Variants in TRAPPC9 observed in about 807,000 individuals in gnomAD.
The protein encoded by TRAPPC9 is IKK2 binding protein.
Under a neutral mutation model 124.0 loss-of-function variants are expected in TRAPPC9, and 83 were observed. The observed-to-expected ratio is 0.67, with a 90% CI of 0.56 to 0.80. TRAPPC9 has a LOEUF of 0.80. Among genes scored for constraint, TRAPPC9 ranks in the 30% least tolerant of loss-of-function variants. The pLI, the probability that TRAPPC9 is intolerant of heterozygous loss-of-function variation, is 0.00. For missense variants in TRAPPC9, 1,302 were observed against 1,508.3 expected, an observed-to-expected ratio of 0.86 and a Z score of 2.27; for synonymous variants, 638 against 617.5, an observed-to-expected ratio of 1.03 and a Z score of -0.49.
At chr8:140,139,922 T>A (rs527652070) in intron 17 of TRAPPC9, among the ~76,000 whole-genome samples, 3 of 152,348 alleles carry the variant, frequency 2.0e-5, no homozygotes, top group Non-Finnish European at 4.4e-5. Context: ...TGTGTGCATT[T>A]TTCTGAGTTT....
chr8:140,313,919 G>A (rs992630383), intron 9 of TRAPPC9, among the ~76,000 whole-genome samples: 2 of 152,116 alleles, frequency 1.3e-5, no homozygotes, highest in East Asian at 3.8e-4. Flanking sequence ...AGAGTCAAAC[G>A]CTTATGCCCA....
intron 21 of TRAPPC9, among the ~76,000 whole-genome samples, chr8:139,836,966 C>T (rs954696049): frequency 3.9e-4 from 23 of 59,116 alleles, no homozygotes; most frequent in African/African-American, 2.5e-3. Flanking sequence ...AAGGAAATGA[C>T]AAGGAGGACT....
At chr8:140,210,053 C>T (rs1252273973) in intron 17 of TRAPPC9, among the ~76,000 whole-genome samples, 1 of 152,252 alleles carries the variant, frequency 6.6e-6, no homozygotes, top group Non-Finnish European at 1.5e-5. Flanking sequence ...TCTGTAAACA[C>T]TGTCACCGCG....
At chr8:139,919,016 G>A (rs949222503) in intron 19 of TRAPPC9, among the ~76,000 whole-genome samples, 7 of 152,302 alleles carry the variant, frequency 4.6e-5, no homozygotes, top group East Asian at 1.9e-4. Context: ...CATTCCCCAC[G>A]GCCTCTGACA....
intron 20 of TRAPPC9, among the ~76,000 whole-genome samples, chr8:139,903,566 C>T (rs560660839): frequency 6.6e-6 from 1 of 152,284 alleles, no homozygotes; most frequent in African/African-American, 2.4e-5. Flanking sequence ...CGTGTCCCTC[C>T]CCTGCTTCCA....
intron 8 of TRAPPC9, among the ~76,000 whole-genome samples, chr8:140,364,734 C>T (rs2068059241): frequency 6.6e-6 from 1 of 151,972 alleles, no homozygotes; most frequent in Admixed American, 6.5e-5. Context: ...AGGCATGCGC[C>T]ACTACACCTG....
chr8:139,752,120 ACCAT>A (rs920762579), intron 21 of TRAPPC9, among the ~76,000 whole-genome samples: 1 of 147,028 alleles, frequency 6.8e-6, no homozygotes, highest in Non-Finnish European at 1.5e-5. Context: ...CTGTTCATCT[ACCAT>A]CCATCCATCT....
intron 7 of TRAPPC9, among the ~76,000 whole-genome samples, chr8:140,394,202 G>T (rs1009918348): frequency 6.6e-6 from 1 of 152,192 alleles, no homozygotes; most frequent in Admixed American, 6.5e-5. Context: ...AGTTGTTAAC[G>T]GCAAGCCAGT....
chr8:139,989,850 T>A (rs756061679), intron 18 of TRAPPC9, among the ~76,000 whole-genome samples: 1 of 152,182 alleles, frequency 6.6e-6, no homozygotes, highest in Non-Finnish European at 1.5e-5. Flanking sequence ...GTTGAATGCT[T>A]GCCGAAAACT....
chr8:140,124,474 C>A (rs1393596019), intron 17 of TRAPPC9, among the ~76,000 whole-genome samples: 1 of 152,236 alleles, frequency 6.6e-6, no homozygotes, highest in Non-Finnish European at 1.5e-5. Context: ...TTAACTTCAT[C>A]ACATCAGCAA....
intron 17 of TRAPPC9, among the ~76,000 whole-genome samples, chr8:140,119,812 A>G (rs1485319708): frequency 3.3e-5 from 5 of 152,176 alleles, no homozygotes; most frequent in African/African-American, 4.8e-5. Context: ...AAACCTTCAA[A>G]GTTCCTCTAA....
At chr8:140,264,124 C>T (rs1262207492) in intron 15 of TRAPPC9, among the ~76,000 whole-genome samples, 1 of 152,180 alleles carries the variant, frequency 6.6e-6, no homozygotes, top group Non-Finnish European at 1.5e-5. Context: ...AAAAGCACCT[C>T]GGAAACAGAC....
intron 5 of TRAPPC9, among the ~76,000 whole-genome samples, chr8:140,409,109 A>C (rs1479320393): frequency 6.6e-6 from 1 of 152,200 alleles, no homozygotes. Context: ...CATCAAGGTC[A>C]CAAAAGTTGA....
At chr8:140,138,077 A>G (rs1004079839) in intron 17 of TRAPPC9, among the ~76,000 whole-genome samples, 2 of 152,296 alleles carry the variant, frequency 1.3e-5, no homozygotes, top group South Asian at 4.2e-4. Context: ...GAGATGGGTG[A>G]ATCACTTAAG....
chr8:140,057,454 T>C (rs1842355239), intron 17 of TRAPPC9, among the ~76,000 whole-genome samples: 1 of 152,226 alleles, frequency 6.6e-6, no homozygotes, highest in African/African-American at 2.4e-5. Flanking sequence ...CACGGACAGA[T>C]GAATGGATAA....
In TRAPPC9 at chr8:140,439,083, C is replaced by G; in HGVS notation, c.699G>C (p.Leu233=). The G allele has an allele frequency of 6.2e-7, 1 of 1,614,240 alleles. No individual in the cohort carries two copies. Residue 233 remains leucine (L), a synonymous_variant, in exon 3 of 23, where the codon CTG becomes CTC. Transcript: ENST00000438773. The part of the protein sequence containing the change: ...LVHYHMSVEL[L]RSVNDFLWLG... ...GCCACAGAAAGTCATTCACAGAACGCAGCAGCTCCACCGACATGTGGTAAT... is the reference window on the plus strand; with the variant it reads ...GCCACAGAAAGTCATTCACAGAACGGAGCAGCTCCACCGACATGTGGTAAT...
At chr8:140,357,423 T>C (rs2067786213) in intron 9 of TRAPPC9, among the ~76,000 whole-genome samples, 1 of 151,806 alleles carries the variant, frequency 6.6e-6, no homozygotes, top group African/African-American at 2.4e-5. Flanking sequence ...CTTACTGAGG[T>C]GAGGTATGTG....
At chr8:140,211,550 C>T (rs1412992301) in intron 17 of TRAPPC9, among the ~76,000 whole-genome samples, 6 of 152,274 alleles carry the variant, frequency 3.9e-5, no homozygotes, top group African/African-American at 1.4e-4. Context: ...CAGAGCACAA[C>T]CCTGTCTCTT....
At chr8:139,862,199 C>G (rs544679400) in intron 21 of TRAPPC9, among the ~76,000 whole-genome samples, 2 of 152,392 alleles carry the variant, frequency 1.3e-5, no homozygotes, top group African/African-American at 4.8e-5. Flanking sequence ...CACTTGGCCC[C>G]AGGGCCTCAG....
Sources: gnomAD v4.1 joint callset for allele counts (sites outside exome capture counted in the v4.1 genomes callset) on GRCh38, gnomAD v4.1.1 for gene constraint, MANE v1.5 for transcripts, NCBI Gene and HGNC (gene_info 2026-07-23, HGNC 2026-07-21) for gene names.